VTA1: variants seen among roughly 807,000 people sequenced by gnomAD.
The protein encoded by VTA1 is vacuolar protein sorting-associated protein VTA1 homolog.
A neutral mutation model predicts 36.9 loss-of-function variants in VTA1; 24 were observed. That is an observed-to-expected ratio of 0.65 (90% CI 0.47 to 0.91). The LOEUF is 0.91. VTA1 is among the 40% of genes least tolerant of loss of function. The pLI is 0.00. For synonymous variants in VTA1, 142 were observed against 130.2 expected (o/e 1.09, Z -0.62); for missense variants, 393 against 377.2 (o/e 1.04, Z -0.35).
chr6:142,212,806 A>G (rs1271428383), intron 7 of VTA1, among the ~76,000 whole-genome samples: 4 of 152,142 alleles, frequency 2.6e-5, no homozygotes, highest in Non-Finnish European at 5.9e-5. Context: ...CTTTTAAACC[A>G]TCAGATCTCG....
intron 7 of VTA1, among the ~76,000 whole-genome samples, chr6:142,217,871 A>T (rs971759865): frequency 7.2e-5 from 11 of 152,072 alleles, no homozygotes; most frequent in South Asian, 2.1e-4. Context: ...TTTAAACTGA[A>T]ATTGTTTAGT....
intron 4 of VTA1, among the ~76,000 whole-genome samples, chr6:142,186,650 G>C (rs1366767171): frequency 6.6e-6 from 1 of 152,164 alleles, no homozygotes; most frequent in East Asian, 1.9e-4. Context: ...GAGGAAAGGA[G>C]AGGTGGTAGG....
chr6:142,217,347 T>G (rs543518174), intron 7 of VTA1, among the ~76,000 whole-genome samples: 1 of 152,156 alleles, frequency 6.6e-6, no homozygotes, highest in African/African-American at 2.4e-5. Flanking sequence ...CTTTTTCATA[T>G]TCATGCAGTG....
Position 142,189,504 on chromosome 6 carries a change from G to A in VTA1, c.490G>A (p.Ala164Thr). 1 of 1,613,514 alleles carries A rather than the reference G, an allele frequency of 6.2e-7. No homozygotes were observed. The highest frequency in any genetic ancestry group is 1.3e-5 in the African/African-American group (1 of 74,968). Residue 164 changes from alanine to threonine, a missense_variant, in exon 5 of 8, where the codon GCA (alanine) becomes ACA (threonine). Transcript: ENST00000367630. ...NCLKNGETPQ[A>T]GPVGIEEDND... ...TTTAAAGAATGGGGAGACTCCTCAA[G>A]CAGGCCCTGTTGGAATTGAAGAAGA...
At chr6:142,205,817 CT>C (rs1775780931) in intron 7 of VTA1, among the ~76,000 whole-genome samples, 1 of 151,920 alleles carries the variant, frequency 6.6e-6, no homozygotes, top group Non-Finnish European at 1.5e-5. Flanking sequence ...AAAAAGTGAA[CT>C]AAAACATCTA....
chr6:142,153,091 C>G (rs1252162706), intron 1 of VTA1, among the ~76,000 whole-genome samples: 1 of 152,040 alleles, frequency 6.6e-6, no homozygotes, highest in African/African-American at 2.4e-5. Context: ...AATCTTGATT[C>G]TCCTGGAGGA....
At chr6:142,204,479 A>G (rs1268414620) in intron 7 of VTA1, among the ~76,000 whole-genome samples, 2 of 152,092 alleles carry the variant, frequency 1.3e-5, no homozygotes, top group African/African-American at 4.8e-5. Context: ...AAAAATAAAA[A>G]TCTCTGAGGT....
intron 4 of VTA1, among the ~76,000 whole-genome samples, chr6:142,170,923 T>C (rs1267146001): frequency 3.3e-5 from 5 of 152,022 alleles, no homozygotes; most frequent in Admixed American, 1.3e-4. Flanking sequence ...CCATTGCACC[T>C]GGCCTGTAAT....
At chr6:142,210,843 A>G (rs182746249) in intron 7 of VTA1, among the ~76,000 whole-genome samples, 8 of 151,072 alleles carry the variant, frequency 5.3e-5, no homozygotes, top group Non-Finnish European at 1.2e-4. Context: ...AAGGAAATGA[A>G]TATGCTGCGA....
At chr6:142,169,169 G>T (rs1774980828) in intron 2 of VTA1, among the ~76,000 whole-genome samples, 1 of 152,032 alleles carries the variant, frequency 6.6e-6, no homozygotes, top group African/African-American at 2.4e-5. Flanking sequence ...AGTTATATAT[G>T]CCTAGAAATT....
rs1356084363 is a variant in VTA1 at position 142,169,657 on chromosome 6, T to G, written c.315T>G (p.Asp105Glu). 6.2e-7 allele frequency: 1 copy of G among 1,605,050 alleles called. No homozygotes were observed. The highest frequency in any genetic ancestry group is 1.1e-5 in the South Asian group (1 of 88,462). ...LKMFLYADNE[D>E]RAGRFHKNMI... Reference sequence around the variant, plus strand: ...TGTTTTTGTATGCAGACAATGAAGATCGTGCTGGACGATTTCACAAGTAAG... The same window carrying G: ...TGTTTTTGTATGCAGACAATGAAGAGCGTGCTGGACGATTTCACAAGTAAG... Residue 105 changes from aspartate (D) to glutamate (E), a missense_variant, in exon 3 of 8, where the codon GAT (aspartate) becomes GAG (glutamate). Transcript: ENST00000367630.
chr6:142,153,235 T>C (rs1778601015), intron 1 of VTA1, among the ~76,000 whole-genome samples: 1 of 152,100 alleles, frequency 6.6e-6, no homozygotes, highest in Non-Finnish European at 1.5e-5. Flanking sequence ...AAGTATGTCG[T>C]GTGATGATCA....
chr6:142,173,585 A>G (rs979636809), intron 4 of VTA1, among the ~76,000 whole-genome samples: 19 of 152,214 alleles, frequency 1.2e-4, no homozygotes, highest in Admixed American at 2.0e-4. Context: ...AATCCTTTAA[A>G]GTTATAACTG....
chr6:142,148,637 T>C (rs984532455), intron 1 of VTA1, among the ~76,000 whole-genome samples: 2 of 152,160 alleles, frequency 1.3e-5, no homozygotes, highest in Non-Finnish European at 2.9e-5. Flanking sequence ...TTCAACAATA[T>C]AGAGTCTATC....
intron 4 of VTA1, among the ~76,000 whole-genome samples, chr6:142,175,786 TTTTAA>T (rs1775111067): frequency 6.6e-6 from 1 of 152,156 alleles, no homozygotes; most frequent in Non-Finnish European, 1.5e-5. Context: ...TTTTTTTTCC[TTTTAA>T]TTTCATGTCA....
chr6:142,182,351 G>C (rs534666397), intron 4 of VTA1, among the ~76,000 whole-genome samples: 1 of 152,210 alleles, frequency 6.6e-6, no homozygotes, highest in South Asian at 2.1e-4. Context: ...TGAGGGTGGT[G>C]GGGGGAGGAT....
chr6:142,188,225 C>CTTTTTTTTT lies in VTA1; in HGVS notation c.412-1181_412-1173dup, dbSNP rs200348683. On this transcript the variant is annotated intron_variant, in intron 4 of 7. Coordinates refer to ENST00000367630, the MANE Select transcript of VTA1 (RefSeq NM_016485.5). Reference sequence around the variant, plus strand: ...TGCCTAGCCCTCTATTTCTTTATTTCTTTTTTTTTTTTTTTTTTTTTTTTT... The same window carrying CTTTTTTTTT: ...TGCCTAGCCCTCTATTTCTTTATTTCTTTTTTTTTTTTTTTTTTTTTTTTTTTTTTTTTT... Among the ~76,000 whole-genome samples, 614 of 78,962 alleles carry CTTTTTTTTT rather than the reference C, an allele frequency of 7.8e-3. 33 individuals are homozygous for CTTTTTTTTT. Among genetic ancestry groups the CTTTTTTTTT allele is most frequent in the Non-Finnish European group, 0.012 (453 of 38,254 alleles). The allele number at this position is 78,962 out of a possible 152,430, so 51.8% of individuals were successfully genotyped here. A position where few individuals can be genotyped will look rare whatever the true frequency, so the allele number is the denominator to read the frequency against.
intron 7 of VTA1, among the ~76,000 whole-genome samples, chr6:142,206,694 CAT>C (rs1442308317): frequency 1.3e-5 from 2 of 152,072 alleles, no homozygotes; most frequent in Admixed American, 6.5e-5. Context: ...GACTTAAAAA[CAT>C]AATACAAATC....
rs577877601 is a variant in VTA1, at chr6:142,179,589, G to A, written c.411+9168G>A. 1.2e-4 allele frequency among the ~76,000 whole-genome samples: 18 copies of A among 152,192 alleles called. No homozygotes were observed. In the South Asian group the frequency reaches 2.7e-3, roughly 23 times the overall value. ...GTAGACATTATGCTGAGCAAAAAAA[G>A]AGCCGGAAGTATACAAACTATATGA... On this transcript the variant is annotated intron_variant, in intron 4 of 7. Coordinates refer to ENST00000367630, the MANE Select transcript of VTA1 (RefSeq NM_016485.5).
Sources: allele counts gnomAD v4.1 joint callset (sites outside exome capture counted in the v4.1 genomes callset), GRCh38; gene constraint gnomAD v4.1.1; transcripts MANE v1.5; gene names NCBI Gene and HGNC (gene_info 2026-07-23, HGNC 2026-07-21).